Variants in GCC2 observed in about 807,000 individuals in gnomAD.
GCC2 encodes the protein GRIP and coiled-coil domain containing 2.
In GCC2, 120 loss-of-function variants were observed where a neutral mutation model predicts 210.6. The observed-to-expected ratio is 0.57, with a 90% CI of 0.49 to 0.66. GCC2 has a LOEUF of 0.66. Among genes scored for constraint, GCC2 ranks in the 30% least tolerant of loss-of-function variants. GCC2 has a pLI of 0.00. For synonymous variants in GCC2, 703 were observed against 652.7 expected, an observed-to-expected ratio of 1.08 and a Z score of -1.17; for missense variants, 1,868 against 1,871.9, an observed-to-expected ratio of 1.00 and a Z score of 0.04.
At chr2:108,453,768 C>T (rs1280779176) in intron 4 of GCC2, among the ~76,000 whole-genome samples, 2 of 143,710 alleles carry the variant, frequency 1.4e-5, no homozygotes, top group African/African-American at 2.6e-5. Context: ...CTGGGCAACA[C>T]AGCAAGACTC....
rs61077428 is a variant in GCC2, at chr2:108,495,264, A to G, written c.4448-27A>G. On this transcript the variant is annotated intron_variant, in intron 19 of 22. Transcript: ENST00000309863. ...ATCAATAGATTTTGAACAATCTCAC[A>G]CTTAACCTTTTAAAAAAATCTAATA... is the stretch of plus-strand genomic sequence containing the variant. 1,456 of 1,492,552 alleles carry G rather than the reference A, an allele frequency of 9.8e-4. 12 individuals are homozygous for G. The African/African-American group carries it at 0.017, about 18-fold the overall frequency. The allele number at this position is 1,492,552 out of a possible 1,614,324, so 92.5% of individuals were successfully genotyped here. A position where few individuals can be genotyped will look rare whatever the true frequency, so the allele number is the denominator to read the frequency against.
chr2:108,471,260 A>G lies in GCC2; in HGVS notation c.1931A>G (p.Lys644Arg). 1 of 1,609,108 alleles carries G rather than the reference A, an allele frequency of 6.2e-7. No homozygotes were observed. The highest frequency in any genetic ancestry group is 8.5e-7 in the Non-Finnish European group (1 of 1,178,490). Reference sequence around the variant, plus strand: ...CAGTACAACAGTGAACTAGAACAAAAGGTAAATGAATTAACAGGAGGACTA... The same window carrying G: ...CAGTACAACAGTGAACTAGAACAAAGGGTAAATGAATTAACAGGAGGACTA... The part of the protein sequence containing the change: ...TIQYNSELEQ[K>R]VNELTGGLEE... The change falls in exon 6 of 23, where the codon AAG (lysine) becomes AGG (arginine). Residue 644 changes from lysine to arginine, a missense_variant. By Grantham distance (26) the Lys-to-Arg change is conservative. Transcript: ENST00000309863.
At chr2:108,487,508 AAAG>A (rs1247883851) in intron 16 of GCC2, among the ~76,000 whole-genome samples, 188 bp from the exon 17 acceptor site, 2 of 152,224 alleles carry the variant, frequency 1.3e-5, no homozygotes, top group African/African-American at 4.8e-5. Context: ...TATCAATTAA[AAAG>A]AAAATTTTTT....
intron 6 of GCC2, 80 bp downstream of exon 6, chr2:108,472,196 C>T (rs1482823846): frequency 3.0e-6 from 3 of 1,014,732 alleles, no homozygotes; most frequent in Non-Finnish European, 2.7e-6. Flanking sequence ...ATTTTTACAC[C>T]TTGACGTCAA....
At chr2:108,449,325 C>T (rs1679769839) in intron 1 of GCC2, 45 bp downstream of exon 1, 2 of 1,541,164 alleles carry the variant, frequency 1.3e-6, no homozygotes, top group East Asian at 2.5e-5. Flanking sequence ...CCTTCCGCGC[C>T]GCGATTTGGG....
At chr2:108,459,771 T>TTTTTTTTTC (rs1680462310) in intron 4 of GCC2, among the ~76,000 whole-genome samples, 1 of 136,648 alleles carries the variant, frequency 7.3e-6, no homozygotes, top group Non-Finnish European at 1.6e-5. Context: ...TTTTTTTTTT[T>TTTTTTTTTC]TTTTTTTACT....
intron 21 of GCC2, among the ~76,000 whole-genome samples, chr2:108,498,994 C>T (rs1201177446): frequency 6.8e-6 from 1 of 146,724 alleles, no homozygotes; most frequent in African/African-American, 2.5e-5. Context: ...GACGTTCCAT[C>T]AGTTCCCCAG....
Position 108,449,663 on chromosome 2 carries a change from G to A in GCC2, c.37G>A (p.Ala13Thr), listed in dbSNP as rs1679803612. 6.8e-6 allele frequency: 11 copies of A among 1,613,878 alleles called. No individual in the cohort carries two copies. The highest frequency in any genetic ancestry group is 8.5e-6 in the Non-Finnish European group (10 of 1,179,796). The change falls in exon 2 of 23, where the codon GCT (alanine) becomes ACT (threonine). Residue 13 changes from alanine (A) to threonine (T), a missense_variant. By Grantham distance (58) the Ala-to-Thr change is moderately conservative (BLOSUM62 0). Around this residue, in one of 3 missense-constraint regions of GCC2, gnomAD observed 1,847 missense variants for 1,765.2 expected, o/e 1.05. Coordinates refer to ENST00000309863, the MANE Select transcript of GCC2 (RefSeq NM_181453.4). Reference sequence around the variant, plus strand: ...TGTTCAAGATGGGGTGGCTTCACCAGCTACCCCTGGGACCGGGAAATCTAA... The same window carrying A: ...TGTTCAAGATGGGGTGGCTTCACCAACTACCCCTGGGACCGGGAAATCTAA... ...DLVQDGVASP[A>T]TPGTGKSKLE...
In GCC2 at chr2:108,493,544, T is replaced by C. The variant is rs531897562; in HGVS notation, c.4447+754T>C. ...ATGTGTTAGAACTGCATAACCAATA[T>C]AGCTTCTTTGCTTTCACATTTACAA... On this transcript the variant is annotated intron_variant, in intron 19 of 22. Transcript: ENST00000309863. The C allele has an allele frequency of 1.1e-5, 11 of 985,410 alleles. No homozygotes were observed. In the African/African-American group the frequency reaches 1.2e-4, roughly 11 times the overall value. 61.0% of individuals were successfully genotyped at this position (985,410 alleles called of 1,614,324 possible).
intron 6 of GCC2, among the ~76,000 whole-genome samples, chr2:108,472,404 T>C (rs563057671): frequency 1.3e-5 from 2 of 152,192 alleles, no homozygotes; most frequent in Non-Finnish European, 2.9e-5. Flanking sequence ...GCAAAACAAC[T>C]AAACATGGAA....
intron 3 of GCC2, among the ~76,000 whole-genome samples, chr2:108,451,351 A>G (rs1679933864): frequency 6.6e-6 from 1 of 152,230 alleles, no homozygotes; most frequent in Non-Finnish European, 1.5e-5. Flanking sequence ...GAGGATTTTT[A>G]AAGTTTGTGT....
At chr2:108,457,697 G>A (rs1022443041) in intron 4 of GCC2, among the ~76,000 whole-genome samples, 1 of 151,894 alleles carries the variant, frequency 6.6e-6, no homozygotes, top group Non-Finnish European at 1.5e-5. Flanking sequence ...ACACTTCTTT[G>A]GCTTTTGTTT....
At chr2:108,487,541 G>T (rs1006994475) in intron 16 of GCC2, among the ~76,000 whole-genome samples, 158 bp from the exon 17 acceptor site, 4 of 152,114 alleles carry the variant, frequency 2.6e-5, no homozygotes, top group African/African-American at 9.7e-5. Flanking sequence ...GCCAACAGAA[G>T]TATGCTTTTT....
chr2:108,478,517 C>G (rs1269877571), intron 9 of GCC2, among the ~76,000 whole-genome samples: 2 of 152,140 alleles, frequency 1.3e-5, no homozygotes, highest in African/African-American at 2.4e-5. Flanking sequence ...ATTAAAAGAT[C>G]TGAACACACA....
chr2:108,490,847 T>C (rs1171659467), intron 18 of GCC2, among the ~76,000 whole-genome samples: 1 of 152,212 alleles, frequency 6.6e-6, no homozygotes, highest in Non-Finnish European at 1.5e-5. Flanking sequence ...TATTGCAAAT[T>C]ACATTGCTAA....
intron 4 of GCC2, among the ~76,000 whole-genome samples, chr2:108,452,691 C>CTTTTTTTTTT (rs34444254): frequency 3.0e-4 from 30 of 99,402 alleles, no homozygotes; most frequent in Non-Finnish European, 3.9e-4. Flanking sequence ...TTTTTTCTTT[C>CTTTTTTTTTT]TTTTTTTTTT....
chr2:108,456,621 T>A (rs1244998639), intron 4 of GCC2, among the ~76,000 whole-genome samples: 1 of 152,166 alleles, frequency 6.6e-6, no homozygotes, highest in African/African-American at 2.4e-5. Context: ...TGCAAATATT[T>A]TGTCCCATTT....
intron 20 of GCC2, 93 bp from the exon 21 acceptor site, chr2:108,496,877 T>A (rs1281363953): frequency 6.5e-7 from 1 of 1,541,924 alleles, no homozygotes; most frequent in Non-Finnish European, 8.8e-7. Context: ...AAATATCACA[T>A]AGTAAGATAT....
Position 108,508,154 on chromosome 2 carries a change from A to G in GCC2, c.*524A>G, listed in dbSNP as rs1196614906. ...GAGCGAGACCTTGTCTCTAAAAATAATAGTAATAAAATAAAAATAACGTTT... is the reference window on the plus strand; with the variant it reads ...GAGCGAGACCTTGTCTCTAAAAATAGTAGTAATAAAATAAAAATAACGTTT... On this transcript the variant is annotated 3_prime_UTR_variant, in exon 23 of 23. Transcript: ENST00000309863. The G allele has an allele frequency of 6.6e-6, 1 of 150,978 alleles. No individual in the cohort carries two copies. The highest frequency in any genetic ancestry group is 6.7e-5 in the Admixed American group (1 of 14,876). The allele number at this position is 150,978 out of a possible 1,614,324, so 9.4% of individuals were successfully genotyped here.
Sources: allele counts gnomAD v4.1 joint callset (sites outside exome capture counted in the v4.1 genomes callset), GRCh38; gene constraint gnomAD v4.1.1; regional missense constraint gnomAD v4.1.1; transcripts MANE v1.5; gene names NCBI Gene and HGNC (gene_info 2026-07-23, HGNC 2026-07-21).